The following FMO5 variants were observed in gnomAD, a reference collection of about 807,000 sequenced individuals.
FMO5 encodes flavin containing dimethylaniline monoxygenase 5.
Under a neutral mutation model 43.6 loss-of-function variants are expected in FMO5, and 51 were observed. The observed-to-expected ratio is 1.17, with a 90% CI of 0.93 to 1.48. FMO5 has a LOEUF of 1.48. Ranked by LOEUF, FMO5 falls within the 40% of genes most tolerant of loss-of-function variation. The pLI is 0.00. For synonymous variants in FMO5, 187 were observed against 216.5 expected (o/e 0.86, Z 1.20); for missense variants, 644 against 643.0 (o/e 1.00, Z -0.02).
At chr1:147,225,469 C>T, upstream of FMO5, 1 of 168,070 alleles carries the variant, frequency 5.9e-6, no homozygotes, top group South Asian at 1.5e-4. Context: ...ACCCATTCTC[C>T]CTCCCTCGAT....
chr1:147,185,194 C>T (rs1655516170), downstream of FMO5, among the ~76,000 whole-genome samples: 1 of 151,616 alleles, frequency 6.6e-6, no homozygotes, highest in Non-Finnish European at 1.5e-5. Flanking sequence ...TGTAACCTTG[C>T]ATATAATATG....
chr1:147,203,791 T>C, intron 6 of FMO5: 1 of 1,546,388 alleles, frequency 6.5e-7, no homozygotes, highest in East Asian at 2.3e-5. Flanking sequence ...TCAGATTGTC[T>C]GTAGAGCCCC....
chr1:147,207,269 A>T (rs978938660), intron 6 of FMO5, among the ~76,000 whole-genome samples: 14 of 152,186 alleles, frequency 9.2e-5, no homozygotes, highest in African/African-American at 3.4e-4. Context: ...GTATGGACCT[A>T]TCTACAGAGA....
Position 147,190,214 on chromosome 1 carries a change from C to G in FMO5, c.1219G>C (p.Ala407Pro). The G allele has an allele frequency of 6.2e-7, 1 of 1,611,706 alleles. No homozygotes were observed. The highest frequency in any genetic ancestry group is 8.5e-7 in the Non-Finnish European group (1 of 1,178,608). The change falls in exon 8 of 9, where the codon GCA becomes CCA. Residue 407 changes from alanine to proline, a missense_variant. By Grantham distance (27) the Ala-to-Pro change is conservative. Transcript: ENST00000254090. Reference sequence around the variant, plus strand: ...TCCTCTTGAGCTTTAGATATTTCTGCCATCATTTCACTCTGTGAGGGCAAT... The same window carrying G: ...TCCTCTTGAGCTTTAGATATTTCTGGCATCATTTCACTCTGTGAGGGCAAT... The part of the protein sequence containing the change: ...KTLPSQSEMM[A>P]EISKAQEEID...
chr1:147,192,663 C>G (rs1553918833), intron 7 of FMO5, among the ~76,000 whole-genome samples: 1 of 152,156 alleles, frequency 6.6e-6, no homozygotes, highest in South Asian at 2.1e-4. Context: ...ATAGGTAGCT[C>G]TTATTATTTT....
chr1:147,217,171 C>G (rs1275647607), intron 2 of FMO5, among the ~76,000 whole-genome samples: 1 of 151,630 alleles, frequency 6.6e-6, no homozygotes, highest in Non-Finnish European at 1.5e-5. Context: ...ACCCGGGAGG[C>G]GGAGGTTGCG....
upstream of FMO5, among the ~76,000 whole-genome samples, chr1:147,226,452 T>C (rs189008800): frequency 7.2e-5 from 11 of 152,314 alleles, no homozygotes; most frequent in African/African-American, 2.6e-4. Context: ...TTTTTAATAG[T>C]GCTTTCACAC....
rs192557539 is a variant in FMO5, at chr1:147,209,246, C to T, written c.631-195G>A. On this transcript the variant is annotated intron_variant, in intron 5 of 8. Coordinates refer to ENST00000254090, the MANE Select transcript of FMO5 (RefSeq NM_001461.4). ...CATCCTGGCTAACACAGTGAAACCC[C>T]GTCTCTACTGAAAAACCCCGTCTCT... Among the ~76,000 whole-genome samples, 499 of 152,030 alleles carry T rather than the reference C, an allele frequency of 3.3e-3. 3 individuals are homozygous for T. Among genetic ancestry groups the T allele is most frequent in the Non-Finnish European group, 5.1e-3 (344 of 67,968 alleles).
intron 7 of FMO5, among the ~76,000 whole-genome samples, chr1:147,196,136 C>CA (rs1553919730): frequency 6.6e-6 from 1 of 152,120 alleles, no homozygotes; most frequent in Non-Finnish European, 1.5e-5. Flanking sequence ...TTTTCACATT[C>CA]TCTGCCATCT....
At chr1:147,188,194 C>T (rs1387052441) in intron 8 of FMO5, among the ~76,000 whole-genome samples, 1 of 152,046 alleles carries the variant, frequency 6.6e-6, no homozygotes, top group African/African-American at 2.4e-5. Flanking sequence ...TGTAGACATG[C>T]ATTTATTTAT....
chr1:147,190,998 A>G (rs753876130), intron 7 of FMO5, among the ~76,000 whole-genome samples: 1 of 152,038 alleles, frequency 6.6e-6, no homozygotes, highest in African/African-American at 2.4e-5. Context: ...CCATGTCCCT[A>G]CAAAGGACAT....
intron 5 of FMO5, chr1:147,211,712 C>T (rs1357270230): frequency 6.6e-6 from 1 of 152,164 alleles, no homozygotes; most frequent in Non-Finnish European, 1.5e-5. Context: ...ATAGTGAAGA[C>T]ACTTGCTTCT....
intron 6 of FMO5, chr1:147,203,466 T>G: frequency 3.6e-6 from 3 of 832,864 alleles, no homozygotes; most frequent in Non-Finnish European, 2.1e-6. Flanking sequence ...CAGCAGGGAC[T>G]ACAGCCTCAG....
Position 147,186,948 on chromosome 1 carries a change from C to T in FMO5, c.1554G>A (p.Lys518=). The T allele has an allele frequency of 6.2e-7, 1 of 1,614,170 alleles. No homozygotes were observed. Among genetic ancestry groups the T allele is most frequent in the Non-Finnish European group, 8.5e-7 (1 of 1,180,018 alleles). ...SSMTSTMTIG[K]FMLALAFFAI... The stretch of plus-strand genomic sequence containing the variant: ...CAAAGAAGGCAAGAGCTAGCATAAA[C>T]TTGCCTATTGTCATTGTTGAAGTCA... Residue 518 remains lysine (K), a synonymous_variant, in exon 9 of 9, where the codon AAG becomes AAA. Transcript: ENST00000254090.
chr1:147,201,804 G>C (rs1435726273), intron 6 of FMO5, among the ~76,000 whole-genome samples: 1 of 152,076 alleles, frequency 6.6e-6, no homozygotes, highest in African/African-American at 2.4e-5. Flanking sequence ...ATATGATAAG[G>C]CCACAGGTCA....
intron 2 of FMO5, among the ~76,000 whole-genome samples, chr1:147,217,939 C>T (rs1553925361): frequency 2.6e-5 from 4 of 152,144 alleles, no homozygotes; most frequent in Non-Finnish European, 5.9e-5. Context: ...TGATAAATAG[C>T]ACTCAATAAA....
intron 6 of FMO5, chr1:147,204,474 GT>G: frequency 1.4e-6 from 2 of 1,480,658 alleles, no homozygotes; most frequent in Non-Finnish European, 1.9e-6. Flanking sequence ...CATCTCGAAG[GT>G]TTTTTGCAGA....
At chr1:147,190,719 C>T (rs1423228624) in intron 7 of FMO5, among the ~76,000 whole-genome samples, 1 of 151,934 alleles carries the variant, frequency 6.6e-6, no homozygotes, top group Non-Finnish European at 1.5e-5. Context: ...TTTTAGGGTA[C>T]ATGTGCACAA....
chr1:147,204,985 C>G, intron 6 of FMO5: 1 of 1,069,226 alleles, frequency 9.4e-7, no homozygotes, highest in East Asian at 2.4e-5. Flanking sequence ...CGCGGAGGAA[C>G]CAAAGGTTTT....
Sources: allele counts gnomAD v4.1 joint callset (sites outside exome capture counted in the v4.1 genomes callset), GRCh38; gene constraint gnomAD v4.1.1; transcripts MANE v1.5; gene names NCBI Gene and HGNC (gene_info 2026-07-23, HGNC 2026-07-21).